The following PRKACA variants were observed in gnomAD, a reference collection of about 807,000 sequenced individuals.
The protein encoded by PRKACA is cAMP-dependent protein kinase catalytic subunit alpha.
A neutral mutation model predicts 45.8 loss-of-function variants in PRKACA; 9 were observed. That is an observed-to-expected ratio of 0.20 (90% CI 0.12 to 0.34). PRKACA has a LOEUF of 0.34. Ranked by LOEUF, PRKACA falls within the 10% of genes least tolerant of loss-of-function variation. PRKACA has a pLI of 1.00. For synonymous variants in PRKACA, 160 were observed against 178.6 expected, an observed-to-expected ratio of 0.90 and a Z score of 0.83; for missense variants, 238 against 458.6, an observed-to-expected ratio of 0.52 and a Z score of 4.39.
At chr19:14,114,177 C>T (rs1295920603) in intron 1 of PRKACA, 2 of 1,609,530 alleles carry the variant, frequency 1.2e-6, no homozygotes, top group Admixed American at 1.7e-5. Flanking sequence ...GTTCTCAGGG[C>T]ACCGGCACTA....
Position 14,092,377 on chromosome 19 carries a change from G to A in PRKACA, c.*735C>T, listed in dbSNP as rs1977103444. On this transcript the variant is annotated 3_prime_UTR_variant, in exon 10 of 10. Coordinates refer to ENST00000308677, the MANE Select transcript of PRKACA (RefSeq NM_002730.4). ...AGGGGCCTAGACCCTCGCAGGATTGGCAGAGAGGATTCCCCGGGGAGGGGC... is the reference window on the plus strand; with the variant it reads ...AGGGGCCTAGACCCTCGCAGGATTGACAGAGAGGATTCCCCGGGGAGGGGC... 1.4e-5 allele frequency: 5 copies of A among 364,344 alleles called. No individual in the cohort carries two copies. The allele number at this position is 364,344 out of a possible 1,614,324, so 22.6% of individuals were successfully genotyped here.
chr19:14,103,697 G>A (rs1438651856), intron 3 of PRKACA, among the ~76,000 whole-genome samples: 1 of 152,220 alleles, frequency 6.6e-6, no homozygotes, highest in African/African-American at 2.4e-5. Flanking sequence ...ACAGGGGGAT[G>A]CTGGGCCCTT....
intron 4 of PRKACA, among the ~76,000 whole-genome samples, chr19:14,102,173 A>C (rs1234704399): frequency 6.6e-6 from 1 of 151,290 alleles, no homozygotes; most frequent in Non-Finnish European, 1.5e-5. Flanking sequence ...CAACAAAAAA[A>C]AATTATTACG....
chr19:14,102,736 C>G (rs1445189304), intron 4 of PRKACA, 80 bp downstream of exon 4: 16 of 1,232,188 alleles, frequency 1.3e-5, no homozygotes, highest in Non-Finnish European at 1.7e-5. Flanking sequence ...TGATTGTCCT[C>G]AGCTCCGACC....
rs1568526437 is a variant in PRKACA at position 14,092,575 on chromosome 19, T to A, written c.*537A>T. The A allele has an allele frequency of 1.5e-5, 6 of 398,682 alleles. No homozygotes were observed. The East Asian group carries it at 1.8e-4, about 12-fold the overall frequency. 24.7% of individuals were successfully genotyped at this position (398,682 alleles called of 1,614,324 possible). On this transcript the variant is annotated 3_prime_UTR_variant, in exon 10 of 10. Transcript: ENST00000308677. Reference sequence around the variant, plus strand: ...TAAATAAGATTTTAAATTGTTGTTTTTTTAAAAAAATTCTAGCAAGCAACC... The same window carrying A: ...TAAATAAGATTTTAAATTGTTGTTTATTTAAAAAAATTCTAGCAAGCAACC...
At position 14,106,938 on chromosome 19, in the gene PRKACA, G is replaced by C. The variant is rs201698339; in HGVS notation, c.109-50C>G. The C allele has an allele frequency of 9.9e-6, 16 of 1,608,536 alleles. No homozygotes were observed. In the African/African-American group the frequency reaches 2.0e-4, roughly 20 times the overall value. On this transcript the variant is annotated intron_variant, in intron 2 of 9. Coordinates refer to ENST00000308677, the MANE Select transcript of PRKACA (RefSeq NM_002730.4). ...TCAGGGCACGCCCTCCCCGCGGCCTGCTTGGCTAAGGTCTGGGGCATCCCC... is the reference window on the plus strand; with the variant it reads ...TCAGGGCACGCCCTCCCCGCGGCCTCCTTGGCTAAGGTCTGGGGCATCCCC...
rs1352120610 is a variant in PRKACA at position 14,102,873 on chromosome 19, C to T, written c.279G>A (p.Lys93=). 6.2e-7 allele frequency: 1 copy of T among 1,614,126 alleles called. No individual in the cohort carries two copies. Among genetic ancestry groups the T allele is most frequent in the East Asian group, 2.2e-5 (1 of 44,890 alleles). ...GAAAGTTGACAGCTTGCAGGATGCGCTTTTCATTCAGGGTGTGTTCGATCT... is the reference window on the plus strand; with the variant it reads ...GAAAGTTGACAGCTTGCAGGATGCGTTTTTCATTCAGGGTGTGTTCGATCT... The part of the protein sequence containing the change: ...LKQIEHTLNE[K]RILQAVNFPF... Residue 93 remains lysine (K), a synonymous_variant, in exon 4 of 10, where the codon AAG becomes AAA. Coordinates refer to ENST00000308677, the MANE Select transcript of PRKACA (RefSeq NM_002730.4).
At chr19:14,100,178 T>C (rs1467005124) in intron 5 of PRKACA, among the ~76,000 whole-genome samples, 1 of 151,960 alleles carries the variant, frequency 6.6e-6, no homozygotes, top group African/African-American at 2.4e-5. Flanking sequence ...AACCTCACTA[T>C]GCAGCCCAGG....
intron 3 of PRKACA, among the ~76,000 whole-genome samples, chr19:14,106,475 G>A (rs919166285): frequency 5.3e-5 from 8 of 152,104 alleles, no homozygotes; most frequent in South Asian, 2.1e-4. Flanking sequence ...CCAACATGGC[G>A]AAAACCCATC....
intron 5 of PRKACA, among the ~76,000 whole-genome samples, chr19:14,100,451 C>T (rs1977411398): frequency 6.6e-6 from 1 of 152,106 alleles, no homozygotes; most frequent in Admixed American, 6.6e-5. Flanking sequence ...GTGCCCACCA[C>T]CATGCCCAGC....
rs983443279 is a variant in PRKACA, at chr19:14,092,565, ATTG to A, written c.*544_*546del. ...TGGTGGAACTTAAATAAGATTTTAAATTGTTGTTTTTTTAAAAAAATTCTAGCA... is the reference window on the plus strand; with the variant it reads ...TGGTGGAACTTAAATAAGATTTTAAATTGTTTTTTTAAAAAAATTCTAGCA... On this transcript the variant is annotated 3_prime_UTR_variant, in exon 10 of 10. Coordinates refer to ENST00000308677, the MANE Select transcript of PRKACA (RefSeq NM_002730.4). 4.8e-5 allele frequency: 19 copies of A among 398,630 alleles called. No individual in the cohort carries two copies. The highest frequency in any genetic ancestry group is 2.1e-4 in the African/African-American group (10 of 48,560). 24.7% of individuals were successfully genotyped at this position (398,630 alleles called of 1,614,324 possible). A position where few individuals can be genotyped will look rare whatever the true frequency, so the allele number is the denominator to read the frequency against.
chr19:14,093,097 G>A lies in PRKACA; in HGVS notation c.*15C>T. The A allele has an allele frequency of 6.3e-7, 1 of 1,580,324 alleles. No individual in the cohort carries two copies. Among genetic ancestry groups the A allele is most frequent in the Non-Finnish European group, 8.6e-7 (1 of 1,163,546 alleles). On this transcript the variant is annotated 3_prime_UTR_variant, in exon 10 of 10. Transcript: ENST00000308677. ...AAAAAGAAAAAAGAAAACCCATGGG[G>A]GCACAGGCATGCCCCTAAAACTCAG...
In PRKACA at chr19:14,117,645, G is replaced by T. The variant is rs1261988979; in HGVS notation, c.-98C>A. On this transcript the variant is annotated 5_prime_UTR_variant, in exon 1 of 10. Coordinates refer to ENST00000308677, the MANE Select transcript of PRKACA (RefSeq NM_002730.4). ...AGCGCGCTGGGCGGCGGCGGCGGCGGCCCTCGGGCTGGCTGCGCTAGCTGC... is the reference window on the plus strand; with the variant it reads ...AGCGCGCTGGGCGGCGGCGGCGGCGTCCCTCGGGCTGGCTGCGCTAGCTGC... 1 of 724,232 alleles carries T rather than the reference G, an allele frequency of 1.4e-6. No individual in the cohort carries two copies. Among genetic ancestry groups the T allele is most frequent in the Non-Finnish European group, 1.7e-6 (1 of 593,496 alleles). 44.9% of individuals were successfully genotyped at this position (724,232 alleles called of 1,614,324 possible).
chr19:14,109,144 C>T (rs1021949931), intron 1 of PRKACA, among the ~76,000 whole-genome samples: 16 of 151,086 alleles, frequency 1.1e-4, no homozygotes, highest in African/African-American at 3.9e-4. Flanking sequence ...GTCAGGAGTT[C>T]GAGACCAGCC....
chr19:14,114,297 A>C (rs1599351984), intron 1 of PRKACA: 1 of 1,164,930 alleles, frequency 8.6e-7, no homozygotes, highest in East Asian at 2.6e-5. Flanking sequence ...AGGAAGAGAA[A>C]CCCAACCCAG....
chr19:14,097,736 GC>G lies in PRKACA; in HGVS notation c.546+27del. 1 of 1,614,088 alleles carries G rather than the reference GC, an allele frequency of 6.2e-7. No homozygotes were observed. Among genetic ancestry groups the G allele is most frequent in the Non-Finnish European group, 8.5e-7 (1 of 1,179,980 alleles). ...GGGTCCAGGCCACGGCTTCCCCAGG[GC>G]TGCCCCTCGCCCGGCCTGGTGGGCA... On this transcript the variant is annotated intron_variant, in intron 6 of 9. Coordinates refer to ENST00000308677, the MANE Select transcript of PRKACA (RefSeq NM_002730.4). The surrounding 1 kb of genome is among the most constrained non-coding windows in gnomAD (Gnocchi z 5.4).
At chr19:14,114,235 TGTC>T in intron 1 of PRKACA, 1 of 1,565,162 alleles carries the variant, frequency 6.4e-7, no homozygotes. Context: ...TTCGGCTGTC[TGTC>T]CCCAGAACCC....
At position 14,097,690 on chromosome 19, in the gene PRKACA, C is replaced by T. The variant is rs780955908; in HGVS notation, c.547-16G>A. ...AGTCTGTCACCTGTGGGCACAAGAA[C>T]AGGCAGTTGGCAGGGAGGAAGGGTC... On this transcript the variant is annotated splice_polypyrimidine_tract_variant and intron_variant, in intron 6 of 9. Transcript: ENST00000308677. The surrounding 1 kb of genome is among the most constrained non-coding windows in gnomAD (Gnocchi z 5.4). 5.6e-6 allele frequency: 9 copies of T among 1,611,184 alleles called. No homozygotes were observed. The highest frequency in any genetic ancestry group is 7.6e-6 in the Non-Finnish European group (9 of 1,177,980).
rs1372501881 is a variant in PRKACA at position 14,091,911 on chromosome 19, T to C, written c.*1201A>G. The stretch of plus-strand genomic sequence containing the variant: ...TGGCTCCCCAGCGGCTCCCCACTTT[T>C]CTATTACGAGAGAAAAAAGCACAAA... On this transcript the variant is annotated 3_prime_UTR_variant, in exon 10 of 10. Transcript: ENST00000308677. The C allele has an allele frequency of 2.6e-5, 4 of 152,034 alleles. No individual in the cohort carries two copies. Among genetic ancestry groups the C allele is most frequent in the African/African-American group, 9.7e-5 (4 of 41,380 alleles). The allele number at this position is 152,034 out of a possible 1,614,324, so 9.4% of individuals were successfully genotyped here. A position where few individuals can be genotyped will look rare whatever the true frequency, so the allele number is the denominator to read the frequency against.
Sources: allele counts gnomAD v4.1 joint callset (sites outside exome capture counted in the v4.1 genomes callset), GRCh38; gene constraint gnomAD v4.1.1; non-coding constraint Gnocchi (gnomAD v3.1); transcripts MANE v1.5; gene names NCBI Gene and HGNC (gene_info 2026-07-23, HGNC 2026-07-21).